CEP89: variants seen among roughly 807,000 people sequenced by gnomAD.
The protein encoded by CEP89 is centrosomal protein of 89 kDa.
In CEP89, 95 loss-of-function variants were observed where a neutral mutation model predicts 97.6. The observed-to-expected ratio is 0.97, with a 90% CI of 0.82 to 1.15. The LOEUF (loss-of-function observed/expected upper bound fraction) is 1.15, where lower values mean the gene tolerates loss of function less well. CEP89 is among the 50% of genes most tolerant of loss of function. CEP89 has a pLI of 0.00. For synonymous variants in CEP89, 354 were observed against 349.1 expected (o/e 1.01, Z -0.16); for missense variants, 869 against 947.7 (o/e 0.92, Z 1.09).
chr19:32,916,755 A>T (rs1041039650), intron 13 of CEP89, among the ~76,000 whole-genome samples: 1 of 152,212 alleles, frequency 6.6e-6, no homozygotes, highest in African/African-American at 2.4e-5. Flanking sequence ...TCACGCCTGT[A>T]ATCCTAGCAT....
intron 8 of CEP89, among the ~76,000 whole-genome samples, chr19:32,933,001 A>C (rs1349572439): frequency 6.6e-6 from 1 of 152,100 alleles, no homozygotes; most frequent in Admixed American, 6.6e-5. Context: ...AAAGAAAATG[A>C]CTTGCAAAGA....
At position 32,910,340 on chromosome 19, in the gene CEP89, C is replaced by T. The variant is rs527371294; in HGVS notation, c.1565+4997G>A. 1.8e-4 allele frequency among the ~76,000 whole-genome samples: 27 copies of T among 151,524 alleles called. 1 individual carries two copies. The South Asian group carries it at 5.4e-3, about 30-fold the overall frequency. On this transcript the variant is annotated intron_variant, in intron 14 of 18. Transcript: ENST00000305768. ...GAGAGAGAGAGAGAGAGAAATGGTA[C>T]ACCTGTACAGGGCACTTAACCATGA...
intron 16 of CEP89, 97 bp downstream of exon 16, chr19:32,899,760 G>A: frequency 4.0e-6 from 5 of 1,252,084 alleles, no homozygotes; most frequent in Non-Finnish European, 5.6e-6. Context: ...GGGAATGCCT[G>A]GATAAAGCTT....
At chr19:32,904,282 A>C (rs1301570631) in intron 14 of CEP89, among the ~76,000 whole-genome samples, 1 of 152,266 alleles carries the variant, frequency 6.6e-6, no homozygotes, top group Non-Finnish European at 1.5e-5. Context: ...TATCTTCAGA[A>C]GAATACAGAT....
Position 32,901,391 on chromosome 19 carries a change from C to G in CEP89, c.1587G>C (p.Glu529Asp), listed in dbSNP as rs765369276. 1 of 1,612,476 alleles carries G rather than the reference C, an allele frequency of 6.2e-7. No homozygotes were observed. The highest frequency in any genetic ancestry group is 1.7e-5 in the Admixed American group (1 of 59,448). ...ACTCCTCCATCTCAGCCCTTTCTTT[C>G]TCTTCTTCCTTCTGTAATTGGCTGA... ...ELKSQLQKEEEKERAEMEELM... is the reference protein window; with the variant it reads ...ELKSQLQKEEDKERAEMEELM... Residue 529 changes from glutamate (E) to aspartate (D), a missense_variant, in exon 15 of 19, where the codon GAG (glutamate) becomes GAC (aspartate). Coordinates refer to ENST00000305768, the MANE Select transcript of CEP89 (RefSeq NM_032816.5).
chr19:32,898,331 G>A (rs1386518638), intron 16 of CEP89, among the ~76,000 whole-genome samples: 1 of 152,044 alleles, frequency 6.6e-6, no homozygotes, highest in African/African-American at 2.4e-5. Context: ...TAAAAAAGTT[G>A]ACCTCATGGA....
At chr19:32,902,346 T>C (rs917527857) in intron 14 of CEP89, among the ~76,000 whole-genome samples, 2 of 152,214 alleles carry the variant, frequency 1.3e-5, no homozygotes, top group African/African-American at 4.8e-5. Flanking sequence ...CAACTGTAAC[T>C]GTAAAACATA....
intron 16 of CEP89, among the ~76,000 whole-genome samples, chr19:32,890,962 A>G (rs920237731): frequency 6.6e-6 from 1 of 152,088 alleles, no homozygotes; most frequent in Non-Finnish European, 1.5e-5. Context: ...ATCTCCCCAC[A>G]TGCACCCGGA....
At chr19:32,931,182 A>G in intron 9 of CEP89, 1 of 430,846 alleles carries the variant, frequency 2.3e-6, no homozygotes, top group Non-Finnish European at 4.0e-6. Flanking sequence ...AAGCCACCTC[A>G]TCCGGCCTCT....
In CEP89 at chr19:32,931,467, G is replaced by A. The variant is rs372810536; in HGVS notation, c.991C>T (p.Arg331Ter). ...TVHRLNVELS[R>*]YQTKFRHLSK... Reference sequence around the variant, plus strand: ...AAATGCCTGAATTTTGTCTGATATCGACTGAGTTCTACATTCAAACGATGG... The same window carrying A: ...AAATGCCTGAATTTTGTCTGATATCAACTGAGTTCTACATTCAAACGATGG... The change falls in exon 9 of 19, where the codon CGA becomes TGA. Residue 331 changes from arginine (R) to a stop codon, truncating the protein, a stop_gained. Transcript: ENST00000305768. LOFTEE classifies it high-confidence loss of function. 58 of 1,589,940 alleles carry A rather than the reference G, an allele frequency of 3.6e-5. No homozygotes were observed. The African/African-American group carries it at 4.4e-4, about 12-fold the overall frequency.
rs373442985 is a variant in CEP89 at position 32,933,507 on chromosome 19, C to A, written c.830G>T (p.Gly277Val). Reference sequence around the variant, plus strand: ...GAGCTTTCTCTTCTCTTTTTCCATTCCCTTAAGTTTTAACTGTAGTTCTTT... The same window carrying A: ...GAGCTTTCTCTTCTCTTTTTCCATTACCTTAAGTTTTAACTGTAGTTCTTT... ...AMKELQLKLK[G>V]MEKEKRKLKE... is the part of the protein sequence containing the mutation. The change falls in exon 8 of 19, where the codon GGA (glycine) becomes GTA (valine). Residue 277 changes from glycine to valine, a missense_variant. Physicochemically the swap from Gly to Val is moderately radical, Grantham distance 109 (BLOSUM62 -3). Transcript: ENST00000305768. 6 of 1,614,010 alleles carry A rather than the reference C, an allele frequency of 3.7e-6. No individual in the cohort carries two copies. The African/African-American group carries it at 8.0e-5, about 22-fold the overall frequency.
At chr19:32,932,785 TA>T (rs11315162) in intron 8 of CEP89, among the ~76,000 whole-genome samples, 29,496 of 143,496 alleles carry the variant, frequency 0.21, 2,923 homozygotes, top group African/African-American at 0.24. Flanking sequence ...TAAAAAAAAT[TA>T]AAAAAAAAAA....
At chr19:32,953,868 T>A (rs1192436872) in intron 3 of CEP89, 67 bp from the exon 4 acceptor site, 51 of 23,570 alleles carry the variant, frequency 2.2e-3, no homozygotes, top group South Asian at 8.4e-3. Flanking sequence ...GATAAATATC[T>A]TTTTTTTTTT....
chr19:32,941,592 T>C (rs1970687820), intron 5 of CEP89, among the ~76,000 whole-genome samples: 1 of 152,188 alleles, frequency 6.6e-6, no homozygotes, highest in African/African-American at 2.4e-5. Flanking sequence ...GCCAAAGTCA[T>C]CTTGATCAAC....
chr19:32,882,038 A>G lies in CEP89; in HGVS notation c.1966-25T>C, dbSNP rs11878571. ...CCTGGTCGGGGGAAGGACTCTGTGA[A>G]TGAGGGGACGCTGCCAGGCCAGGGT... On this transcript the variant is annotated intron_variant, in intron 17 of 18. Transcript: ENST00000305768. The G allele has an allele frequency of 0.019, 29,574 of 1,547,082 alleles. 2,887 individuals carry two copies. The African/African-American group carries it at 0.27, about 14-fold the overall frequency.
At chr19:32,928,580 T>A (rs958658426) in intron 9 of CEP89, among the ~76,000 whole-genome samples, 3 of 152,110 alleles carry the variant, frequency 2.0e-5, no homozygotes, top group African/African-American at 7.2e-5. Context: ...AACTCGAAGG[T>A]TCCCGGTGCT....
intron 5 of CEP89, among the ~76,000 whole-genome samples, chr19:32,941,746 G>A (rs1245116676): frequency 6.6e-6 from 1 of 151,868 alleles, no homozygotes. Flanking sequence ...CCCTAACTGA[G>A]AGACAACCAC....
intron 13 of CEP89, among the ~76,000 whole-genome samples, chr19:32,916,523 A>G (rs1476488708): frequency 1.3e-5 from 2 of 152,206 alleles, no homozygotes; most frequent in Non-Finnish European, 2.9e-5. Context: ...TGGCCAAACT[A>G]AGAACTGGAT....
At chr19:32,915,912 C>A (rs1408378525) in intron 13 of CEP89, among the ~76,000 whole-genome samples, 1 of 88,902 alleles carries the variant, frequency 1.1e-5, no homozygotes, top group Non-Finnish European at 2.1e-5. Flanking sequence ...GAGTGAGACT[C>A]TCTCAGAAAA....
Sources: gnomAD v4.1 joint callset for allele counts (sites outside exome capture counted in the v4.1 genomes callset) on GRCh38, gnomAD v4.1.1 for gene constraint, MANE v1.5 for transcripts, NCBI Gene and HGNC (gene_info 2026-07-23, HGNC 2026-07-21) for gene names.